CADPS: variants seen among roughly 807,000 people sequenced by gnomAD.
The protein encoded by CADPS is calcium dependent secretion activator.
A neutral mutation model predicts 167.3 loss-of-function variants in CADPS; 57 were observed. That is an observed-to-expected ratio of 0.34 (90% CI 0.28 to 0.42). The LOEUF (loss-of-function observed/expected upper bound fraction) is 0.42. Ranked by LOEUF, CADPS falls within the 20% of genes least tolerant of loss-of-function variation. The probability of loss-of-function intolerance (pLI) is 1.00; values close to 1 mark genes in which losing one functional copy is unlikely to be tolerated. For missense variants in CADPS, 1,414 were observed against 1,738.1 expected, an observed-to-expected ratio of 0.81 and a Z score of 3.32; for synonymous variants, 676 against 635.3, an observed-to-expected ratio of 1.06 and a Z score of -0.96.
chr3:62,471,971 A>C (rs1471711904), intron 24 of CADPS, among the ~76,000 whole-genome samples: 1 of 152,210 alleles, frequency 6.6e-6, no homozygotes, highest in Non-Finnish European at 1.5e-5. Flanking sequence ...AATGGGCAAA[A>C]GATTTTGAAT....
At chr3:62,806,262 G>T (rs1012686179) in intron 1 of CADPS, among the ~76,000 whole-genome samples, 1 of 151,404 alleles carries the variant, frequency 6.6e-6, no homozygotes, top group African/African-American at 2.4e-5. Flanking sequence ...AAAATGTACA[G>T]TATACTAACA....
intron 12 of CADPS, among the ~76,000 whole-genome samples, chr3:62,534,113 G>A (rs1281549573): frequency 1.3e-5 from 2 of 152,188 alleles, no homozygotes; most frequent in African/African-American, 2.4e-5. Context: ...AAATAAAATT[G>A]TGTTTTCTGG....
chr3:62,498,391 A>T (rs1343437317), intron 18 of CADPS, among the ~76,000 whole-genome samples: 1 of 152,168 alleles, frequency 6.6e-6, no homozygotes, highest in African/African-American at 2.4e-5. Flanking sequence ...GGGGAGAATT[A>T]TGCAATTTTC....
chr3:62,726,385 A>C (rs993941433), intron 3 of CADPS, among the ~76,000 whole-genome samples: 1 of 151,888 alleles, frequency 6.6e-6, no homozygotes, highest in African/African-American at 2.4e-5. Flanking sequence ...CTATATTCAA[A>C]TTTGTAATAA....
intron 6 of CADPS, among the ~76,000 whole-genome samples, chr3:62,617,702 A>G (rs924013672): frequency 6.6e-6 from 1 of 152,120 alleles, no homozygotes; most frequent in Non-Finnish European, 1.5e-5. Flanking sequence ...AGGACACCTA[A>G]CACACATGGT....
rs143940848 is a variant in CADPS at position 62,704,128 on chromosome 3, A to G, written c.889-41734T>C. 2.1e-3 allele frequency among the ~76,000 whole-genome samples: 314 copies of G among 152,282 alleles called. 6 individuals carry two copies. Among genetic ancestry groups the G allele is most frequent in the African/African-American group, 7.2e-3 (298 of 41,530 alleles). ...TGTGCTTACTTGGAGCTTACATTCT[A>G]GTAGGGGGAAAAAGGCAATAAACAA... On this transcript the variant is annotated intron_variant, in intron 3 of 29. Transcript: ENST00000383710.
chr3:62,399,406 C>T lies in CADPS; in HGVS notation c.4062G>A (p.Ter1354=). 1 of 1,614,062 alleles carries T rather than the reference C, an allele frequency of 6.2e-7. No individual in the cohort carries two copies. Among genetic ancestry groups the T allele is most frequent in the Non-Finnish European group, 8.5e-7 (1 of 1,179,932 alleles). The change falls in exon 30 of 30, where the codon TAG becomes TAA. Residue 1354 remains the stop codon, a stop_retained_variant. Coordinates refer to ENST00000383710, the MANE Select transcript of CADPS (RefSeq NM_003716.4). This position sits in a 1 kb window ranked among gnomAD's most constrained non-coding sequence, Gnocchi z 5.6. ...DSDEEDEEDD[*] is the part of the protein sequence containing the mutation. ...CCAGCAGACTCTAGGACCAAATGGT[C>T]TAATCGTCTTCTTCGTCTTCCTCAT...
intron 5 of CADPS, among the ~76,000 whole-genome samples, chr3:62,646,831 A>C (rs890146119): frequency 6.6e-6 from 1 of 152,202 alleles, no homozygotes; most frequent in Non-Finnish European, 1.5e-5. Context: ...TAATTCAAAT[A>C]GGGAGAAATA....
chr3:62,629,462 T>G (rs1234898630), intron 6 of CADPS, among the ~76,000 whole-genome samples: 1 of 152,224 alleles, frequency 6.6e-6, no homozygotes, highest in Admixed American at 6.5e-5. Context: ...TCCTTTTTAT[T>G]GCTAAACAGT....
At chr3:62,547,196 A>G (rs949857702) in intron 11 of CADPS, among the ~76,000 whole-genome samples, 26 of 152,050 alleles carry the variant, frequency 1.7e-4, no homozygotes, top group Non-Finnish European at 2.9e-5. Flanking sequence ...ATAATAAAGT[A>G]ACCATGGGAC....
At chr3:62,578,942 T>C (rs1054133350) in intron 8 of CADPS, among the ~76,000 whole-genome samples, 9 of 152,224 alleles carry the variant, frequency 5.9e-5, no homozygotes, top group Admixed American at 3.3e-4. Context: ...CTTGGAGACC[T>C]ATGAGGAGGA....
chr3:62,447,688 A>G (rs2057426561), intron 26 of CADPS, among the ~76,000 whole-genome samples: 1 of 152,172 alleles, frequency 6.6e-6, no homozygotes, highest in Non-Finnish European at 1.5e-5. Context: ...CTGAAAACCA[A>G]CATAGTTGTA....
At chr3:62,787,131 C>T (rs1285717898) in intron 1 of CADPS, among the ~76,000 whole-genome samples, 1 of 151,864 alleles carries the variant, frequency 6.6e-6, no homozygotes, top group Non-Finnish European at 1.5e-5. Context: ...CTGTCTCTAC[C>T]AAAAATATAA....
At chr3:62,651,136 A>C (rs2070009833) in intron 4 of CADPS, 56 bp from the exon 5 acceptor site, 1 of 1,271,926 alleles carries the variant, frequency 7.9e-7, no homozygotes, top group African/African-American at 1.5e-5. Flanking sequence ...CTGATTTATA[A>C]AGAAGGTCTT....
chr3:62,854,829 T>G (rs911656821), intron 1 of CADPS, among the ~76,000 whole-genome samples: 1 of 152,192 alleles, frequency 6.6e-6, no homozygotes, highest in African/African-American at 2.4e-5. Flanking sequence ...TTTTCTAAAC[T>G]TTTTTAAAAA....
Position 62,806,732 on chromosome 3 carries a change from T to C in CADPS, c.442-40748A>G, listed in dbSNP as rs547222747. Among the ~76,000 whole-genome samples, 87 of 152,192 alleles carry C rather than the reference T, an allele frequency of 5.7e-4. No individual in the cohort carries two copies. The South Asian group carries it at 6.2e-3, about 11-fold the overall frequency. ...TGATCAAAGTAGAGTTTAACTAATA[T>C]TAACCTCAATTGCAAACCAATGTGA... On this transcript the variant is annotated intron_variant, in intron 1 of 29. Coordinates refer to ENST00000383710, the MANE Select transcript of CADPS (RefSeq NM_003716.4).
chr3:62,852,736 C>G (rs1490751439), intron 1 of CADPS, among the ~76,000 whole-genome samples: 2 of 152,144 alleles, frequency 1.3e-5, no homozygotes, highest in African/African-American at 2.4e-5. Flanking sequence ...ATTATCAGGC[C>G]TCAGTTCAAA....
At position 62,715,088 on chromosome 3, in the gene CADPS, T is replaced by C. The variant is rs6784928; in HGVS notation, c.888+38353A>G. On this transcript the variant is annotated intron_variant, in intron 3 of 29. Coordinates refer to ENST00000383710, the MANE Select transcript of CADPS (RefSeq NM_003716.4). ...AAAAGTGCTGTCTTTTCAAGATACA[T>C]GCTGAAATAAATACAGATGACATGA... 8.3e-3 allele frequency among the ~76,000 whole-genome samples: 1,268 copies of C among 152,282 alleles called. 11 individuals are homozygous for C. Among genetic ancestry groups the C allele is most frequent in the African/African-American group, 0.029 (1,200 of 41,550 alleles).
chr3:62,823,661 T>C (rs2073442992), intron 1 of CADPS, among the ~76,000 whole-genome samples: 1 of 152,130 alleles, frequency 6.6e-6, no homozygotes, highest in Non-Finnish European at 1.5e-5. Context: ...TTTTTCTACC[T>C]CCCAAAGGCC....
Sources: allele counts gnomAD v4.1 joint callset (sites outside exome capture counted in the v4.1 genomes callset), GRCh38; gene constraint gnomAD v4.1.1; non-coding constraint Gnocchi (gnomAD v3.1); transcripts MANE v1.5; gene names NCBI Gene and HGNC (gene_info 2026-07-23, HGNC 2026-07-21).